Variants in RUNX1 observed in about 807,000 individuals in gnomAD.
RUNX1 encodes the protein runt-related transcription factor 1.
Under a neutral mutation model 42.8 loss-of-function variants are expected in RUNX1, and 19 were observed. The observed-to-expected ratio is 0.44, with a 90% confidence interval of 0.31 to 0.65. RUNX1 has a LOEUF of 0.65. Among genes scored for constraint, RUNX1 ranks in the 30% least tolerant of loss-of-function variants. The probability of loss-of-function intolerance (pLI) is 0.07; values close to 1 mark genes in which losing one functional copy is unlikely to be tolerated. For synonymous variants in RUNX1, 271 were observed against 289.4 expected (o/e 0.94, Z 0.64); for missense variants, 528 against 672.0 (o/e 0.79, Z 2.37).
chr21:34,935,408 C>T (rs1345931789), intron 2 of RUNX1, among the ~76,000 whole-genome samples: 2 of 152,136 alleles, frequency 1.3e-5, no homozygotes, highest in East Asian at 3.8e-4. Flanking sequence ...AATACCTTCA[C>T]AAACACATAC....
intron 2 of RUNX1, among the ~76,000 whole-genome samples, chr21:35,001,310 A>T (rs200034348): frequency 2.9e-3 from 28 of 9,818 alleles, no homozygotes; most frequent in East Asian, 0.013. Context: ...TTATGGTTTT[A>T]TATATATATA....
intron 2 of RUNX1, among the ~76,000 whole-genome samples, chr21:35,010,297 A>T (rs1017282939): frequency 1.3e-5 from 2 of 152,188 alleles, no homozygotes; most frequent in Admixed American, 6.5e-5. Context: ...GATTTGGGGT[A>T]GTAACAACAA....
intron 2 of RUNX1, among the ~76,000 whole-genome samples, chr21:35,003,290 G>C (rs1216992240): frequency 6.6e-6 from 1 of 152,166 alleles, no homozygotes; most frequent in Non-Finnish European, 1.5e-5. Context: ...CTTGACTTTG[G>C]CTGGGTGAGA....
chr21:34,839,074 C>T (rs553005339), intron 6 of RUNX1, among the ~76,000 whole-genome samples: 2 of 152,196 alleles, frequency 1.3e-5, no homozygotes, highest in South Asian at 4.2e-4. Flanking sequence ...TAAGACAACA[C>T]CACAAGGTTG....
chr21:34,855,702 C>CT (rs1293975570), intron 6 of RUNX1, among the ~76,000 whole-genome samples: 3 of 152,188 alleles, frequency 2.0e-5, no homozygotes, highest in African/African-American at 7.2e-5. Context: ...GAGTGAGACT[C>CT]TGTCTCAAAA....
At chr21:35,005,948 G>C (rs1255333482) in intron 2 of RUNX1, among the ~76,000 whole-genome samples, 1 of 152,176 alleles carries the variant, frequency 6.6e-6, no homozygotes, top group Non-Finnish European at 1.5e-5. Flanking sequence ...CACTCCAGCT[G>C]GAATGCCTGG....
In RUNX1 at chr21:34,976,128, CAA is replaced by C. The variant is rs34633513; in HGVS notation, c.58+72712_58+72713del. 1.0e-3 allele frequency among the ~76,000 whole-genome samples: 122 copies of C among 119,548 alleles called. 1 individual carries two copies. The highest frequency in any genetic ancestry group is 1.2e-3 in the Non-Finnish European group (68 of 55,914). The allele number at this position is 119,548 out of a possible 152,430, so 78.4% of individuals were successfully genotyped here. On this transcript the variant is annotated intron_variant, in intron 2 of 8. Transcript: ENST00000675419. ...AAAAAAATACATCAATTGGTCTTTC[CAA>C]AAAAAAAAAAAAATTACAGAAGAAA...
intron 2 of RUNX1, among the ~76,000 whole-genome samples, chr21:34,937,764 A>T (rs2058497415): frequency 6.6e-6 from 1 of 152,008 alleles, no homozygotes; most frequent in South Asian, 2.1e-4. Flanking sequence ...AAGAAAGAGA[A>T]CATCCCCGCT....
intron 5 of RUNX1, among the ~76,000 whole-genome samples, chr21:34,879,984 T>A (rs1423887033): frequency 1.3e-5 from 2 of 152,186 alleles, no homozygotes; most frequent in Non-Finnish European, 2.9e-5. Context: ...AAATAAGGCA[T>A]TGAAAAGAAA....
intron 2 of RUNX1, among the ~76,000 whole-genome samples, chr21:34,980,936 C>T (rs73203020): frequency 9.5e-4 from 144 of 152,326 alleles, no homozygotes; most frequent in Non-Finnish European, 1.6e-3. Context: ...GTGAGTATTT[C>T]TACTGGAAGC....
chr21:34,808,230 G>A (rs897128878), intron 7 of RUNX1, among the ~76,000 whole-genome samples: 14 of 152,208 alleles, frequency 9.2e-5, no homozygotes, highest in African/African-American at 2.2e-4. Context: ...AGATGCATTC[G>A]TTGTTCCAGC....
At chr21:34,999,500 G>A (rs963371365) in intron 2 of RUNX1, among the ~76,000 whole-genome samples, 1 of 152,174 alleles carries the variant, frequency 6.6e-6, no homozygotes, top group Non-Finnish European at 1.5e-5. Context: ...GCTGACCCCT[G>A]ATCTTTCCAA....
At chr21:34,793,735 GCT>G (rs1260577274) in intron 8 of RUNX1, among the ~76,000 whole-genome samples, 1 of 150,244 alleles carries the variant, frequency 6.7e-6, no homozygotes, top group African/African-American at 2.5e-5. Flanking sequence ...ACAAAGTCTC[GCT>G]CTGTCACCAA....
At chr21:34,813,500 G>T (rs2056784879) in intron 7 of RUNX1, among the ~76,000 whole-genome samples, 1 of 152,072 alleles carries the variant, frequency 6.6e-6, no homozygotes, top group East Asian at 1.9e-4. Context: ...AATCCTGGGT[G>T]GCTGCAGTCA....
chr21:34,868,336 T>C (rs2057692120), intron 5 of RUNX1, among the ~76,000 whole-genome samples: 1 of 152,178 alleles, frequency 6.6e-6, no homozygotes, highest in Non-Finnish European at 1.5e-5. Flanking sequence ...TTCCATTCTT[T>C]AAACTGTAAG....
chr21:34,860,349 G>C (rs1419614432), intron 5 of RUNX1, among the ~76,000 whole-genome samples: 1 of 152,166 alleles, frequency 6.6e-6, no homozygotes, highest in Non-Finnish European at 1.5e-5. Flanking sequence ...AGATAAATCT[G>C]GCTAGCTGAC....
At chr21:34,827,096 T>G (rs1356199642) in intron 7 of RUNX1, among the ~76,000 whole-genome samples, 1 of 152,192 alleles carries the variant, frequency 6.6e-6, no homozygotes, top group African/African-American at 2.4e-5. Context: ...GCCATTCTGA[T>G]GAGGCTGCAG....
At chr21:34,986,488 C>T (rs1009064999) in intron 2 of RUNX1, among the ~76,000 whole-genome samples, 2 of 150,770 alleles carry the variant, frequency 1.3e-5, no homozygotes, top group African/African-American at 4.9e-5. Flanking sequence ...ATATCCACAT[C>T]TACCTAGAAC....
At chr21:34,868,150 G>C (rs1244680599) in intron 5 of RUNX1, among the ~76,000 whole-genome samples, 1 of 152,208 alleles carries the variant, frequency 6.6e-6, no homozygotes, top group East Asian at 1.9e-4. Flanking sequence ...AGAGGGAAGA[G>C]AGGGAAGCTT....
Sources: gnomAD v4.1 joint callset for allele counts (sites outside exome capture counted in the v4.1 genomes callset) on GRCh38, gnomAD v4.1.1 for gene constraint, MANE v1.5 for transcripts, NCBI Gene and HGNC (gene_info 2026-07-23, HGNC 2026-07-21) for gene names.